ANKS1B: variants seen among roughly 807,000 people sequenced by gnomAD.
ANKS1B encodes ankyrin repeat and sterile alpha motif domain containing 1B, also known as ankyrin repeat and sterile alpha motif domain-containing protein 1B.
ANKS1B carries 36 observed loss-of-function variants against 148.3 expected under a neutral mutation model. The ratio of observed to expected loss-of-function variants is 0.24; its 90% confidence interval spans 0.19 to 0.32. ANKS1B has a LOEUF of 0.32. Ranked by LOEUF, ANKS1B falls within the 10% of genes least tolerant of loss-of-function variation. The pLI is 1.00. For synonymous variants in ANKS1B, 542 were observed against 560.8 expected, an observed-to-expected ratio of 0.97 and a Z score of 0.47; for missense variants, 1,157 against 1,542.6, an observed-to-expected ratio of 0.75 and a Z score of 4.19.
intron 8 of ANKS1B, among the ~76,000 whole-genome samples, chr12:99,728,536 A>G (rs2058832731): frequency 6.6e-6 from 1 of 152,214 alleles, no homozygotes; most frequent in Non-Finnish European, 1.5e-5. Flanking sequence ...GGGAATGTAA[A>G]TTAGTCCAAC....
At chr12:98,799,027 A>T (rs2098977359) in intron 21 of ANKS1B, 22 bp from the exon 22 acceptor site, 1 of 1,551,062 alleles carries the variant, frequency 6.4e-7, no homozygotes, top group African/African-American at 1.4e-5. Context: ...AAAAAATTCA[A>T]TGATTTATGA....
intron 3 of ANKS1B, among the ~76,000 whole-genome samples, chr12:99,811,416 C>T (rs2068353178): frequency 6.6e-6 from 1 of 151,776 alleles, no homozygotes; most frequent in African/African-American, 2.4e-5. Flanking sequence ...AAAATGGGAA[C>T]AGTAGGGGGC....
At chr12:99,196,504 T>C (rs1040134351) in intron 14 of ANKS1B, among the ~76,000 whole-genome samples, 35 of 152,280 alleles carry the variant, frequency 2.3e-4, no homozygotes, top group African/African-American at 8.2e-4. Context: ...AGGGCAATCC[T>C]GACCACATTA....
At chr12:99,536,372 A>G (rs2097066821) in intron 9 of ANKS1B, among the ~76,000 whole-genome samples, 1 of 152,182 alleles carries the variant, frequency 6.6e-6, no homozygotes, top group South Asian at 2.1e-4. Context: ...TAATTTTGCT[A>G]TGAACCTAAA....
intron 21 of ANKS1B, among the ~76,000 whole-genome samples, chr12:98,799,448 CT>C (rs2153583721): frequency 6.8e-6 from 1 of 146,498 alleles, no homozygotes; most frequent in East Asian, 2.0e-4. Context: ...TAATGTTAGG[CT>C]TTTAGGCAGA....
intron 11 of ANKS1B, among the ~76,000 whole-genome samples, chr12:99,410,772 G>A (rs1460692783): frequency 6.6e-6 from 1 of 152,236 alleles, no homozygotes; most frequent in African/African-American, 2.4e-5. Flanking sequence ...GGGAACCAGT[G>A]CAACATAAAA....
intron 9 of ANKS1B, among the ~76,000 whole-genome samples, chr12:99,619,362 G>A (rs2098015598): frequency 6.6e-6 from 1 of 151,924 alleles, no homozygotes; most frequent in Admixed American, 6.6e-5. Flanking sequence ...TTCCTAATGT[G>A]GCCAGACCTC....
chr12:99,500,427 A>G (rs1304269791), intron 10 of ANKS1B, among the ~76,000 whole-genome samples: 2 of 152,164 alleles, frequency 1.3e-5, no homozygotes, highest in Non-Finnish European at 2.9e-5. Context: ...CATAGCCAAC[A>G]CTAACTTTCA....
intron 1 of ANKS1B, among the ~76,000 whole-genome samples, chr12:99,828,669 A>G (rs1487302668): frequency 6.6e-6 from 1 of 152,206 alleles, no homozygotes; most frequent in Non-Finnish European, 1.5e-5. Flanking sequence ...AGAACAATGA[A>G]ATAAAAAAGA....
intron 14 of ANKS1B, among the ~76,000 whole-genome samples, chr12:99,158,320 A>G (rs2076291229): frequency 6.6e-6 from 1 of 152,204 alleles, no homozygotes; most frequent in Non-Finnish European, 1.5e-5. Flanking sequence ...AAGTTCCAAA[A>G]GTGAGACAAG....
At chr12:98,788,767 G>A (rs1264607517) in intron 22 of ANKS1B, among the ~76,000 whole-genome samples, 3 of 152,200 alleles carry the variant, frequency 2.0e-5, no homozygotes, top group Admixed American at 2.0e-4. Flanking sequence ...TTGATTGAAA[G>A]TTACTGTCAG....
chr12:99,403,249 T>C (rs2152616487), intron 11 of ANKS1B, among the ~76,000 whole-genome samples: 2 of 131,670 alleles, frequency 1.5e-5, no homozygotes, highest in South Asian at 4.8e-4. Flanking sequence ...CTCTGCCTCC[T>C]GGGTTCAAGT....
chr12:98,853,585 C>T (rs1222543723), intron 17 of ANKS1B, among the ~76,000 whole-genome samples: 1 of 152,194 alleles, frequency 6.6e-6, no homozygotes, highest in Non-Finnish European at 1.5e-5. Context: ...GCTTCTTCTT[C>T]CCACTCAGTT....
At chr12:99,291,666 G>A (rs932605315) in intron 12 of ANKS1B, among the ~76,000 whole-genome samples, 3 of 152,030 alleles carry the variant, frequency 2.0e-5, no homozygotes, top group Non-Finnish European at 4.4e-5. Context: ...TCAATAAATG[G>A]TTCTGGGAAA....
intron 12 of ANKS1B, among the ~76,000 whole-genome samples, chr12:99,284,394 A>G (rs1172446862): frequency 6.6e-6 from 1 of 152,234 alleles, no homozygotes; most frequent in Non-Finnish European, 1.5e-5. Flanking sequence ...TAAGATGGAC[A>G]ATAAAATGAG....
intron 18 of ANKS1B, chr12:98,830,939 A>ACTT (rs1190273205): frequency 1.6e-5 from 1 of 60,956 alleles, no homozygotes; most frequent in Non-Finnish European, 3.5e-5. Context: ...CCTACCTCAT[A>ACTT]ATTTTTTTTT....
At chr12:99,592,110 C>G (rs1218748897) in intron 9 of ANKS1B, among the ~76,000 whole-genome samples, 1 of 152,086 alleles carries the variant, frequency 6.6e-6, no homozygotes, top group Non-Finnish European at 1.5e-5. Context: ...GACTGTCATT[C>G]TGTTCATACT....
At chr12:98,883,025 G>C (rs1478484845) in intron 17 of ANKS1B, among the ~76,000 whole-genome samples, 5 of 152,080 alleles carry the variant, frequency 3.3e-5, no homozygotes, top group African/African-American at 1.2e-4. Flanking sequence ...CTCTTTCACA[G>C]ACAAAGGAAT....
chr12:99,352,948 T>C (rs2091588156), intron 12 of ANKS1B, among the ~76,000 whole-genome samples: 1 of 152,080 alleles, frequency 6.6e-6, no homozygotes, highest in Admixed American at 6.6e-5. Flanking sequence ...TGATGAAGGG[T>C]ACATTTCACC....
Sources: gnomAD v4.1 joint callset for allele counts (sites outside exome capture counted in the v4.1 genomes callset) on GRCh38, gnomAD v4.1.1 for gene constraint, MANE v1.5 for transcripts, NCBI Gene and HGNC (gene_info 2026-07-23, HGNC 2026-07-21) for gene names.